The following NGEF variants were observed in gnomAD, a reference collection of about 807,000 sequenced individuals.
NGEF encodes the protein neuronal guanine nucleotide exchange factor, also known as ephexin-1.
Under a neutral mutation model 80.9 loss-of-function variants are expected in NGEF, and 31 were observed. That is an observed-to-expected ratio of 0.38 (90% confidence interval 0.29 to 0.52). NGEF has a LOEUF of 0.52. Among genes scored for constraint, NGEF ranks in the 20% least tolerant of loss-of-function variants. The probability of loss-of-function intolerance (pLI) is 0.84; values close to 1 mark genes in which losing one functional copy is unlikely to be tolerated. For missense variants in NGEF, 709 were observed against 926.2 expected (o/e 0.77, Z 3.04); for synonymous variants, 371 against 370.2 (o/e 1.00, Z -0.03).
At chr2:232,928,199 A>G (rs1693131024) in intron 3 of NGEF, 1 of 784,330 alleles carries the variant, frequency 1.3e-6, no homozygotes, top group Admixed American at 6.9e-5. Flanking sequence ...TGCCACGGCA[A>G]CGAGGGAGGC....
chr2:232,889,242 G>A (rs1438249954), intron 8 of NGEF, among the ~76,000 whole-genome samples: 1 of 152,148 alleles, frequency 6.6e-6, no homozygotes, highest in East Asian at 1.9e-4. Context: ...TTTCTCACAG[G>A]CATAAAAGCT....
At chr2:232,903,157 A>G (rs1368918374) in intron 5 of NGEF, among the ~76,000 whole-genome samples, 1 of 152,204 alleles carries the variant, frequency 6.6e-6, no homozygotes, top group Non-Finnish European at 1.5e-5. Context: ...TTTAAAGAAC[A>G]TTTAACCTTT....
rs765847500 is a variant in NGEF at position 232,883,397 on chromosome 2, G to A, written c.1671C>T (p.Gly557=). The change falls in exon 12 of 15, where the codon GGC becomes GGT. Residue 557 remains glycine (G), a synonymous_variant. Transcript: ENST00000264051. ...GGATGAACACGTTGGCCAGCGTCTG[G>A]CCCTGGTCCTCCAGCTCCTCCACAC... The part of the protein sequence containing the change: ...LLRVEELEDQ[G]QTLANVFILR... The A allele has an allele frequency of 6.2e-7, 1 of 1,612,134 alleles. No homozygotes were observed. The highest frequency in any genetic ancestry group is 8.5e-7 in the Non-Finnish European group (1 of 1,179,290).
At position 232,996,508 on chromosome 2, in the gene NGEF, T is replaced by TG. The variant is rs1377689409; in HGVS notation, c.-75+16559dup. On this transcript the variant is annotated intron_variant, in intron 1 of 14. Coordinates refer to ENST00000264051, the MANE Select transcript of NGEF (RefSeq NM_019850.3). ...AAATATAGTCTTCCCTTGGTATCCGTGGGGGGATTGGTTCCAGGACCCCCA... is the reference window on the plus strand; with the variant it reads ...AAATATAGTCTTCCCTTGGTATCCGTGGGGGGGATTGGTTCCAGGACCCCCA... 3.3e-5 allele frequency among the ~76,000 whole-genome samples: 5 copies of TG among 152,184 alleles called. No individual in the cohort carries two copies. In the East Asian group the frequency reaches 7.7e-4, roughly 23 times the overall value.
chr2:232,910,617 G>A (rs557284861), intron 5 of NGEF, among the ~76,000 whole-genome samples: 46 of 152,212 alleles, frequency 3.0e-4, no homozygotes, highest in Non-Finnish European at 4.3e-4. Context: ...ATAAGTGCAC[G>A]TTTAACTTGG....
chr2:232,930,382 C>T (rs369842381), intron 3 of NGEF, among the ~76,000 whole-genome samples: 3 of 151,642 alleles, frequency 2.0e-5, no homozygotes, highest in East Asian at 1.9e-4. Context: ...TGCAATGGCG[C>T]GATCTCGGCT....
chr2:232,959,667 T>G (rs1693904913), intron 3 of NGEF, among the ~76,000 whole-genome samples: 1 of 151,634 alleles, frequency 6.6e-6, no homozygotes, highest in African/African-American at 2.4e-5. Flanking sequence ...ACAACCTCTG[T>G]CTCCTGGGTT....
At position 232,943,254 on chromosome 2, in the gene NGEF, G is replaced by A. The variant is rs538247790; in HGVS notation, c.384-16068C>T. Among the ~76,000 whole-genome samples, 5 of 151,828 alleles carry A rather than the reference G, an allele frequency of 3.3e-5. No individual in the cohort carries two copies. The East Asian group carries it at 9.6e-4, about 29-fold the overall frequency. On this transcript the variant is annotated intron_variant, in intron 3 of 14. Coordinates refer to ENST00000264051, the MANE Select transcript of NGEF (RefSeq NM_019850.3). ...GCATTTGTTCTTAAAAAAAAAAAGA[G>A]TCTCTAACCTGTCACCAGCTGAGTT...
At chr2:233,012,465 G>A (rs992440166) in intron 1 of NGEF, 1 of 179,578 alleles carries the variant, frequency 5.6e-6, no homozygotes, top group Admixed American at 5.4e-5. Flanking sequence ...CCTGAGCGGA[G>A]GGGGCAGTGC....
intron 3 of NGEF, among the ~76,000 whole-genome samples, chr2:232,929,051 C>T (rs919544377): frequency 3.9e-5 from 6 of 152,206 alleles, no homozygotes; most frequent in African/African-American, 1.4e-4. Context: ...TGGCGCGCTG[C>T]CCGGTGTCCT....
At chr2:232,948,923 C>T (rs1029330815) in intron 3 of NGEF, among the ~76,000 whole-genome samples, 2 of 152,054 alleles carry the variant, frequency 1.3e-5, no homozygotes, top group Non-Finnish European at 2.9e-5. Flanking sequence ...GAGGCTGAGG[C>T]AGGAGAATCG....
At chr2:232,903,150 A>G (rs952802078) in intron 5 of NGEF, among the ~76,000 whole-genome samples, 2 of 152,230 alleles carry the variant, frequency 1.3e-5, no homozygotes, top group Admixed American at 6.5e-5. Flanking sequence ...CTCAAAATTT[A>G]AAGAACATTT....
At chr2:232,928,239 C>CGGGCGGCGGCGGGGCGG in intron 3 of NGEF, 1 of 855,998 alleles carries the variant, frequency 1.2e-6, no homozygotes, top group Non-Finnish European at 1.4e-6. Flanking sequence ...GGGGCGAGGC[C>CGGGCGGCGGCGGGGCGG]GGGCGGCGGC....
At chr2:232,993,166 T>TTA (rs1553559475) in intron 1 of NGEF, among the ~76,000 whole-genome samples, 5 of 93,892 alleles carry the variant, frequency 5.3e-5, no homozygotes, top group Non-Finnish European at 7.6e-5. Flanking sequence ...TATATATATA[T>TTA]TATATATATA....
At chr2:232,990,482 G>GA (rs540652366) in intron 1 of NGEF, among the ~76,000 whole-genome samples, 36 of 152,104 alleles carry the variant, frequency 2.4e-4, no homozygotes, top group African/African-American at 7.2e-4. Context: ...CCATTCCAAT[G>GA]AAAAAACTGA....
chr2:232,882,464 G>A (rs1300394575), intron 12 of NGEF, among the ~76,000 whole-genome samples, 199 bp from the exon 13 acceptor site: 1 of 152,262 alleles, frequency 6.6e-6, no homozygotes, highest in Non-Finnish European at 1.5e-5. Context: ...AACCCACGGA[G>A]GGGCATGGGG....
At chr2:232,967,991 G>C (rs1159517584) in intron 3 of NGEF, among the ~76,000 whole-genome samples, 1 of 152,044 alleles carries the variant, frequency 6.6e-6, no homozygotes, top group South Asian at 2.1e-4. Context: ...GCAAAAATTT[G>C]AAACTGTCTT....
At position 232,910,455 on chromosome 2, in the gene NGEF, TG is replaced by T. The variant is rs1335534810; in HGVS notation, c.828+9828del. ...TCCTGCTGCATGGCGAGGTGGGGGGTGGGGGGGGTAATGGGGGTGGGGGTTG... is the reference window on the plus strand; with the variant it reads ...TCCTGCTGCATGGCGAGGTGGGGGGTGGGGGGGTAATGGGGGTGGGGGTTG... On this transcript the variant is annotated intron_variant, in intron 5 of 14. Transcript: ENST00000264051. Among the ~76,000 whole-genome samples, 83 of 25,528 alleles carry T rather than the reference TG, an allele frequency of 3.3e-3. 2 individuals are homozygous for T. The highest frequency in any genetic ancestry group is 3.8e-3 in the East Asian group (4 of 1,040). 16.7% of individuals were successfully genotyped at this position (25,528 alleles called of 152,430 possible). A position where few individuals can be genotyped will look rare whatever the true frequency, so the allele number is the denominator to read the frequency against.
At chr2:233,004,436 A>G (rs1219535695) in intron 1 of NGEF, among the ~76,000 whole-genome samples, 1 of 151,188 alleles carries the variant, frequency 6.6e-6, no homozygotes, top group Non-Finnish European at 1.5e-5. Flanking sequence ...CTTGGCCTTG[A>G]CTCCAGGCTG....
Sources: gnomAD v4.1 joint callset for allele counts (sites outside exome capture counted in the v4.1 genomes callset) on GRCh38, gnomAD v4.1.1 for gene constraint, MANE v1.5 for transcripts, NCBI Gene and HGNC (gene_info 2026-07-23, HGNC 2026-07-21) for gene names.